Variants in FBXO17 observed in about 807,000 individuals in gnomAD.
FBXO17 encodes F-box protein 17, also known as F-box only protein 17.
Under a neutral mutation model 34.1 loss-of-function variants are expected in FBXO17, and 43 were observed. The ratio of observed to expected loss-of-function variants is 1.26; its 90% CI spans 0.99 to 1.62. The LOEUF (loss-of-function observed/expected upper bound fraction) is 1.62. Among genes scored for constraint, FBXO17 ranks in the 40% most tolerant of loss-of-function variants. The probability of loss-of-function intolerance (pLI) is 0.00; values close to 1 mark genes in which losing one functional copy is unlikely to be tolerated. For synonymous variants in FBXO17, 169 were observed against 166.0 expected, an observed-to-expected ratio of 1.02 and a Z score of -0.14; for missense variants, 424 against 386.7, an observed-to-expected ratio of 1.10 and a Z score of -0.81.
rs764995062 is a variant in FBXO17, at chr19:38,942,660, T to C, written c.785A>G (p.Tyr262Cys). 5.7e-5 allele frequency: 92 copies of C among 1,600,006 alleles called. No individual in the cohort carries two copies. The highest frequency in any genetic ancestry group is 7.3e-5 in the Non-Finnish European group (86 of 1,174,678). Residue 262 changes from tyrosine to cysteine, a missense_variant, in exon 6 of 6, where the codon TAT becomes TGT. Transcript: ENST00000292852. ...ACTGGAGTGGGTCACAAGGGCGCCA[T>C]AGTGCCCCACCCAGGAACTCACGTC... ...GRDVSSWVGH[Y>C]GALVTHSSVR...
At chr19:38,955,429 A>C (rs1975153187) in intron 1 of FBXO17, among the ~76,000 whole-genome samples, 1 of 151,042 alleles carries the variant, frequency 6.6e-6, no homozygotes, top group South Asian at 2.1e-4. Flanking sequence ...TTCTCAAAAG[A>C]GCTGTCTACC....
At chr19:38,965,843 T>C (rs1975312714) in intron 1 of FBXO17, among the ~76,000 whole-genome samples, 2 of 152,154 alleles carry the variant, frequency 1.3e-5, no homozygotes, top group African/African-American at 4.8e-5. Context: ...GGTTTCACCA[T>C]GTTGGGCAGG....
chr19:38,949,918 G>T, intron 2 of FBXO17, 53 bp downstream of exon 2: 1 of 641,744 alleles, frequency 1.6e-6, no homozygotes, highest in South Asian at 2.5e-5. Flanking sequence ...CCCCGCCCCC[G>T]CCTCGCTCGC....
intron 1 of FBXO17, among the ~76,000 whole-genome samples, chr19:38,969,438 CAAAAA>C (rs771872488): frequency 1.4e-5 from 1 of 69,848 alleles, no homozygotes. Flanking sequence ...ACTCCATCTC[CAAAAA>C]AAAAAAAAAA....
chr19:38,967,705 C>T (rs965235581), intron 1 of FBXO17, among the ~76,000 whole-genome samples: 1 of 151,890 alleles, frequency 6.6e-6, no homozygotes, highest in South Asian at 2.1e-4. Flanking sequence ...GCTGGGACTA[C>T]AGATGCACCC....
At chr19:38,967,010 A>G (rs547089238) in intron 1 of FBXO17, among the ~76,000 whole-genome samples, 13 of 152,352 alleles carry the variant, frequency 8.5e-5, no homozygotes, top group Non-Finnish European at 1.9e-4. Flanking sequence ...TTTAGATCCA[A>G]CACCAAAAAC....
At chr19:38,945,429 G>A (rs1974964112) in intron 4 of FBXO17, 2 of 347,116 alleles carry the variant, frequency 5.8e-6, no homozygotes, top group Admixed American at 9.6e-5. Flanking sequence ...AGGGTCCTGG[G>A]TGGTCCTGGG....
rs1975446867 is a variant in FBXO17 at position 38,975,336 on chromosome 19, C to G, written c.-18+250G>C. 6.6e-6 allele frequency among the ~76,000 whole-genome samples: 1 copy of G among 152,220 alleles called. No individual in the cohort carries two copies. The highest frequency in any genetic ancestry group is 2.4e-5 in the African/African-American group (1 of 41,444). ...TGGAGAGGCCTGGGCGTTCGAACAC[C>G]CACGTTCAAAGCAAAGCCCTTCCAG... On this transcript the variant is annotated intron_variant, in intron 1 of 5. Coordinates refer to ENST00000292852, the MANE Select transcript of FBXO17 (RefSeq NM_024907.7). This position sits in a 1 kb window ranked among gnomAD's most constrained non-coding sequence, Gnocchi z 4.9.
At chr19:38,946,858 A>C in intron 3 of FBXO17, 1 of 403,368 alleles carries the variant, frequency 2.5e-6, no homozygotes, top group African/African-American at 2.0e-5. Flanking sequence ...CACATACTAG[A>C]CATGTGAGCG....
intron 1 of FBXO17, among the ~76,000 whole-genome samples, chr19:38,960,302 TTA>T (rs2144832646): frequency 1.3e-5 from 2 of 150,268 alleles, no homozygotes; most frequent in East Asian, 4.0e-4. Context: ...TTTTTTTTTT[TTA>T]TGGCTCTGGG....
At chr19:38,946,699 C>T in intron 3 of FBXO17, 132 bp from the exon 4 acceptor site, 4 of 1,273,488 alleles carry the variant, frequency 3.1e-6, no homozygotes, top group Non-Finnish European at 4.3e-6. Flanking sequence ...CTCTAGCAGA[C>T]CTGAAGATGC....
At chr19:38,952,731 CCT>C (rs1476709202) in intron 1 of FBXO17, 2 of 484,176 alleles carry the variant, frequency 4.1e-6, no homozygotes, top group African/African-American at 3.9e-5. Context: ...TGTTCCCTGA[CCT>C]CTCTCTAGTG....
In FBXO17 at chr19:38,949,980, AG is replaced by A. The variant is rs1331669522; in HGVS notation, c.339del (p.Cys114AlafsTer20). 4.6e-6 allele frequency: 7 copies of A among 1,534,532 alleles called. No homozygotes were observed. In the East Asian group the frequency reaches 1.8e-4, roughly 38 times the overall value. Reference protein sequence around the residue: ...APFGRNLIFNSCGEQGFRGWE... With the variant: ...APFGRNLIFNXCGEQGFRGWE... ...CGCCCCCGTCACCCACGCTCTCCGCAGGAGTTGAAGATGAGATTGCGGCCGA... is the reference window on the plus strand; with the variant it reads ...CGCCCCCGTCACCCACGCTCTCCGCAGAGTTGAAGATGAGATTGCGGCCGA... On this transcript the variant is annotated frameshift_variant, in exon 2 of 6. Transcript: ENST00000292852. LOFTEE classifies it high-confidence loss of function.
At chr19:38,946,362 A>T in intron 4 of FBXO17, 110 bp downstream of exon 4, 1 of 1,523,244 alleles carries the variant, frequency 6.6e-7, no homozygotes. Context: ...CAAAGGGTGC[A>T]CAGTGACAGC....
intron 1 of FBXO17, among the ~76,000 whole-genome samples, chr19:38,971,821 C>T (rs753576200): frequency 2.6e-5 from 4 of 151,900 alleles, no homozygotes; most frequent in Non-Finnish European, 5.9e-5. Flanking sequence ...AAAAAGGGCC[C>T]AGCTGCAGCA....
At chr19:38,953,135 G>A (rs1003002612) in intron 1 of FBXO17, among the ~76,000 whole-genome samples, 1 of 151,440 alleles carries the variant, frequency 6.6e-6, no homozygotes, top group East Asian at 1.9e-4. Context: ...TACTCCACCT[G>A]TACAAAAAAT....
At chr19:38,946,399 G>A in intron 4 of FBXO17, 73 bp downstream of exon 4, 2 of 1,602,026 alleles carry the variant, frequency 1.2e-6, no homozygotes, top group Non-Finnish European at 1.7e-6. Flanking sequence ...GATGGGGCGG[G>A]AAATGAGCCC....
chr19:38,950,536 C>T (rs975664524), intron 1 of FBXO17, among the ~76,000 whole-genome samples, 200 bp from the exon 2 acceptor site: 6 of 152,238 alleles, frequency 3.9e-5, no homozygotes, highest in Admixed American at 2.6e-4. Context: ...CTGACTCTGA[C>T]CCCCGTCAGG....
Position 38,946,508 on chromosome 19 carries a change from A to G in FBXO17, c.521T>C (p.Leu174Pro). The G allele has an allele frequency of 6.2e-7, 1 of 1,614,044 alleles. No individual in the cohort carries two copies. Among genetic ancestry groups the G allele is most frequent in the African/African-American group, 1.3e-5 (1 of 75,034 alleles). The change falls in exon 4 of 6, where the codon CTG becomes CCG. Residue 174 changes from leucine to proline, a missense_variant. Coordinates refer to ENST00000292852, the MANE Select transcript of FBXO17 (RefSeq NM_024907.7). Reference protein sequence around the residue: ...LVMEGVWQELLDSAQIEICVA... With the variant: ...LVMEGVWQELPDSAQIEICVA... Reference sequence around the variant, plus strand: ...ACAGATCTCAATCTGGGCGCTGTCCAGCAGCTCCTGCCACACCCCTTCCAT... The same window carrying G: ...ACAGATCTCAATCTGGGCGCTGTCCGGCAGCTCCTGCCACACCCCTTCCAT...
Sources: allele counts gnomAD v4.1 joint callset (sites outside exome capture counted in the v4.1 genomes callset), GRCh38; gene constraint gnomAD v4.1.1; non-coding constraint Gnocchi (gnomAD v3.1); transcripts MANE v1.5; gene names NCBI Gene and HGNC (gene_info 2026-07-23, HGNC 2026-07-21).